Variants in ANKRD36 observed in about 807,000 individuals in gnomAD.
ANKRD36 encodes ankyrin repeat domain-containing protein 36A.
In ANKRD36, 179 loss-of-function variants were observed where a neutral mutation model predicts 278.1. That is an observed-to-expected ratio of 0.64 (90% CI 0.57 to 0.73). The LOEUF is 0.73. Among genes scored for constraint, ANKRD36 ranks in the 30% least tolerant of loss-of-function variants. The pLI is 0.00. For missense variants in ANKRD36, 1,159 were observed against 1,956.7 expected, an observed-to-expected ratio of 0.59 and a Z score of 7.69; for synonymous variants, 320 against 641.1, an observed-to-expected ratio of 0.50 and a Z score of 7.57.
At chr2:97,209,931 C>T in intron 56 of ANKRD36, 59 bp downstream of exon 56, 1 of 1,528,664 alleles carries the variant, frequency 6.5e-7, no homozygotes, top group East Asian at 2.5e-5. Flanking sequence ...AAATTCTCTT[C>T]CCTGAATAAA....
chr2:97,231,293 AC>A (rs1274055610), intron 67 of ANKRD36, among the ~76,000 whole-genome samples: 7 of 152,100 alleles, frequency 4.6e-5, no homozygotes, highest in Non-Finnish European at 8.8e-5. Context: ...GGTGGGCTCC[AC>A]CCAGTTCAAG....
In ANKRD36 at chr2:97,142,567, A is replaced by C. The variant is rs2043173879; in HGVS notation, c.800-73A>C. 154 of 1,599,398 alleles carry C rather than the reference A, an allele frequency of 9.6e-5. No individual in the cohort carries two copies. In the South Asian group the frequency reaches 1.7e-3, roughly 17 times the overall value. On this transcript the variant is annotated intron_variant, in intron 6 of 75. Coordinates refer to ENST00000420699, the MANE Select transcript of ANKRD36 (RefSeq NM_001354587.1). ...GGGCAGGAGGATACAGCTTGATGGT[A>C]ACAGTGCATGAATGTATGGATAATT... is the stretch of plus-strand genomic sequence containing the variant.
chr2:97,202,480 G>C lies in ANKRD36; in HGVS notation c.2959+87G>C, dbSNP rs188638212. 6 of 1,515,454 alleles carry C rather than the reference G, an allele frequency of 4.0e-6. 1 individual carries two copies. In the Admixed American group the frequency reaches 1.3e-4, roughly 32 times the overall value. 93.9% of individuals were successfully genotyped at this position (1,515,454 alleles called of 1,614,324 possible). A position where few individuals can be genotyped will look rare whatever the true frequency, so the allele number is the denominator to read the frequency against. On this transcript the variant is annotated intron_variant, in intron 48 of 75. Transcript: ENST00000420699. ...CAAATAAATCAGCGGGGGGCTCGTC[G>C]AAGCTGCACTTTCTGATTCAGCAGG... is the stretch of plus-strand genomic sequence containing the variant.
intron 38 of ANKRD36, 46 bp from the exon 39 acceptor site, chr2:97,194,680 T>C (rs2059282358): frequency 2.5e-6 from 4 of 1,600,326 alleles, no homozygotes; most frequent in Non-Finnish European, 3.4e-6. Context: ...TGGATAACTT[T>C]ATCATATTTA....
intron 22 of ANKRD36, 131 bp from the exon 23 acceptor site, chr2:97,179,606 TA>T: frequency 1.0e-6 from 1 of 973,954 alleles, no homozygotes; most frequent in Non-Finnish European, 1.5e-6. Context: ...AAACAAAGTA[TA>T]AAATATCAAA....
At chr2:97,190,292 T>G (rs1439819505) in intron 34 of ANKRD36, among the ~76,000 whole-genome samples, 1 of 91,602 alleles carries the variant, frequency 1.1e-5, no homozygotes, top group East Asian at 2.2e-4. Context: ...ATATTTTTAT[T>G]GAGGCTGATA....
chr2:97,132,532 C>T (rs2923965), intron 6 of ANKRD36, among the ~76,000 whole-genome samples: 87,864 of 148,460 alleles, frequency 0.59, 30,153 homozygotes, highest in Non-Finnish European at 0.78. Context: ...CAAAGGCAAC[C>T]GTTAAGGAGA....
At position 97,160,718 on chromosome 2, in the gene ANKRD36, A is replaced by C. The variant is rs973309382; in HGVS notation, c.1390-1381A>C. ...AGAATCAGAAAACCATATGAACTTTAAAATAGGTTTTACATTTCTCTCTTA... is the reference window on the plus strand; with the variant it reads ...AGAATCAGAAAACCATATGAACTTTCAAATAGGTTTTACATTTCTCTCTTA... On this transcript the variant is annotated intron_variant, in intron 17 of 75. Transcript: ENST00000420699. Among the ~76,000 whole-genome samples the C allele has an allele frequency of 3.9e-5, 6 of 152,128 alleles. 1 individual carries two copies. Among genetic ancestry groups the C allele is most frequent in the African/African-American group, 1.4e-4 (6 of 41,462 alleles).
chr2:97,242,347 A>C (rs1237929914), intron 69 of ANKRD36, among the ~76,000 whole-genome samples: 1 of 152,010 alleles, frequency 6.6e-6, no homozygotes, highest in Admixed American at 6.6e-5. Context: ...ATGAAAAGTA[A>C]AATGTAAAGT....
intron 12 of ANKRD36, among the ~76,000 whole-genome samples, chr2:97,150,081 A>T (rs1207970939): frequency 1.3e-5 from 2 of 151,848 alleles, no homozygotes; most frequent in Non-Finnish European, 2.9e-5. Context: ...AGAAATTCAA[A>T]TTCTGTTCTC....
intron 5 of ANKRD36, among the ~76,000 whole-genome samples, chr2:97,124,876 A>G (rs1434183329): frequency 6.6e-6 from 1 of 151,916 alleles, no homozygotes; most frequent in African/African-American, 2.4e-5. Context: ...AATGTTGTCC[A>G]TTTTATTTCT....
At chr2:97,190,875 G>C in intron 34 of ANKRD36, 103 bp from the exon 35 acceptor site, 2 of 1,510,510 alleles carry the variant, frequency 1.3e-6, no homozygotes, top group Non-Finnish European at 1.8e-6. Context: ...GCCTACACTA[G>C]TACAGGCAGA....
chr2:97,133,128 G>A (rs900182191), intron 6 of ANKRD36, among the ~76,000 whole-genome samples: 4 of 151,992 alleles, frequency 2.6e-5, no homozygotes, highest in African/African-American at 9.7e-5. Flanking sequence ...AGTTTTGCAT[G>A]TAGGCCTTTC....
At chr2:97,139,016 T>G (rs1393366225) in intron 6 of ANKRD36, among the ~76,000 whole-genome samples, 1 of 152,068 alleles carries the variant, frequency 6.6e-6, no homozygotes, top group Non-Finnish European at 1.5e-5. Flanking sequence ...GACATAGGCA[T>G]GGGCAAATAC....
chr2:97,213,678 G>C, intron 60 of ANKRD36, 64 bp downstream of exon 60: 1 of 484,574 alleles, frequency 2.1e-6, no homozygotes, highest in Non-Finnish European at 3.6e-6. Context: ...TCTCTTCCCC[G>C]AACAAATCAG....
intron 22 of ANKRD36, among the ~76,000 whole-genome samples, chr2:97,177,366 C>T (rs544827089): frequency 4.0e-4 from 61 of 151,994 alleles, no homozygotes; most frequent in African/African-American, 1.3e-3. Context: ...GCCCACATCG[C>T]CAAGTCAATC....
intron 22 of ANKRD36, among the ~76,000 whole-genome samples, chr2:97,176,706 G>A (rs1028382211): frequency 1.3e-5 from 2 of 151,420 alleles, no homozygotes; most frequent in Non-Finnish European, 2.9e-5. Flanking sequence ...AGTTGATGCA[G>A]TTTCTTCCTA....
intron 66 of ANKRD36, among the ~76,000 whole-genome samples, chr2:97,223,985 GCTGT>G (rs1434102863): frequency 6.7e-6 from 1 of 148,702 alleles, no homozygotes; most frequent in Non-Finnish European, 1.5e-5. Context: ...ACTTCACATA[GCTGT>G]CTGAGTCTTA....
At chr2:97,202,166 A>T in intron 46 of ANKRD36, 36 bp from the exon 47 acceptor site, 1 of 1,607,552 alleles carries the variant, frequency 6.2e-7, no homozygotes, top group Non-Finnish European at 8.5e-7. Context: ...TGTCATATTT[A>T]CGTATGACTG....
Sources: gnomAD v4.1 joint callset for allele counts (sites outside exome capture counted in the v4.1 genomes callset) on GRCh38, gnomAD v4.1.1 for gene constraint, MANE v1.5 for transcripts, NCBI Gene and HGNC (gene_info 2026-07-23, HGNC 2026-07-21) for gene names.